Variants in RMST observed in about 807,000 individuals in gnomAD.
The protein encoded by RMST is rhabdomyosarcoma 2 associated transcript, also known as long intergenic non-protein coding RNA 54.
At chr12:97,464,431 T>C (rs1397881836) in intron 4 of RMST, among the ~76,000 whole-genome samples, 2 of 152,200 alleles carry the variant, frequency 1.3e-5, no homozygotes, top group African/African-American at 4.8e-5. Context: ...GAGCTTCCTG[T>C]GATATATTGT....
At position 97,551,171 on chromosome 12, in the gene RMST, TAAA is replaced by T. The variant is rs371319102; in HGVS notation, n.1546-9349_1546-9347del. Among the ~76,000 whole-genome samples the T allele has an allele frequency of 1.8e-3, 235 of 132,332 alleles. 1 individual carries two copies. Among genetic ancestry groups the T allele is most frequent in the Middle Eastern group, 0.016 (4 of 258 alleles). 86.8% of individuals were successfully genotyped at this position (132,332 alleles called of 152,430 possible). ...AATGGCATTCATGGTTCATTGTTTT[TAAA>T]AAAAAAAAAAAAAAAAGACCAAGTT... On this transcript the variant is annotated intron_variant and non_coding_transcript_variant, in intron 11 of 13. Transcript: ENST00000640149.
chr12:97,532,177 T>C (rs1287263361), intron 11 of RMST, among the ~76,000 whole-genome samples: 1 of 151,998 alleles, frequency 6.6e-6, no homozygotes, highest in African/African-American at 2.4e-5. Context: ...TATTTTATTA[T>C]ATTCTGGACA....
intron 5 of RMST, among the ~76,000 whole-genome samples, chr12:97,488,752 C>A (rs755341050): frequency 4.6e-5 from 7 of 152,130 alleles, no homozygotes; most frequent in Non-Finnish European, 8.8e-5. Context: ...GGTTTCAATC[C>A]GTTCCGTTTT....
At chr12:97,497,515 A>G (rs987251541) in intron 10 of RMST, among the ~76,000 whole-genome samples, 1 of 152,190 alleles carries the variant, frequency 6.6e-6, no homozygotes, top group South Asian at 2.1e-4. Flanking sequence ...AATAATTCAG[A>G]CACTGACCAG....
chr12:97,538,962 T>A (rs1390033738), intron 11 of RMST, among the ~76,000 whole-genome samples: 2 of 151,452 alleles, frequency 1.3e-5, no homozygotes, highest in Non-Finnish European at 3.0e-5. Context: ...CCGGAGGGGC[T>A]GGGAATGGCT....
chr12:97,561,233 A>G (rs1884078348), intron 13 of RMST, among the ~76,000 whole-genome samples: 2 of 152,296 alleles, frequency 1.3e-5, no homozygotes, highest in East Asian at 1.9e-4. Context: ...ACGTTTGTAA[A>G]TATGCAAAAA....
intron 5 of RMST, among the ~76,000 whole-genome samples, chr12:97,488,758 G>A (rs1341422217): frequency 1.3e-5 from 2 of 152,116 alleles, no homozygotes; most frequent in African/African-American, 4.8e-5. Context: ...AATCCGTTCC[G>A]TTTTCTTTGT....
At chr12:97,522,825 A>G (rs1168558634) in intron 10 of RMST, among the ~76,000 whole-genome samples, 1 of 152,206 alleles carries the variant, frequency 6.6e-6, no homozygotes, top group Non-Finnish European at 1.5e-5. Context: ...AAAGCCTGAA[A>G]AAACAAAACA....
intron 10 of RMST, among the ~76,000 whole-genome samples, chr12:97,513,753 T>A (rs1377667526): frequency 6.6e-6 from 1 of 152,216 alleles, no homozygotes; most frequent in Admixed American, 6.5e-5. Context: ...TATGGATCAA[T>A]TGGAGTGTCT....
intron 10 of RMST, among the ~76,000 whole-genome samples, chr12:97,524,210 A>G (rs1880863385): frequency 6.6e-6 from 1 of 151,966 alleles, no homozygotes; most frequent in Admixed American, 6.6e-5. Flanking sequence ...AACCACCATC[A>G]GCAGCAGCAG....
At chr12:97,472,825 C>G (rs1408737994) in intron 5 of RMST, among the ~76,000 whole-genome samples, 1 of 152,004 alleles carries the variant, frequency 6.6e-6, no homozygotes, top group East Asian at 1.9e-4. Flanking sequence ...GCTTTGACCC[C>G]AATAATCACA....
intron 11 of RMST, among the ~76,000 whole-genome samples, chr12:97,537,316 A>T (rs1882149654): frequency 6.6e-6 from 1 of 151,350 alleles, no homozygotes; most frequent in Admixed American, 6.6e-5. Context: ...CAACTTTACT[A>T]TGTGGAAACA....
intron 10 of RMST, among the ~76,000 whole-genome samples, chr12:97,505,193 C>A (rs140395725): frequency 2.6e-5 from 4 of 152,192 alleles, no homozygotes; most frequent in African/African-American, 9.7e-5. Flanking sequence ...TCTTAAGGCA[C>A]TTGCAAGAGC....
chr12:97,474,759 A>T (rs2136399661), intron 5 of RMST, among the ~76,000 whole-genome samples: 2 of 152,202 alleles, frequency 1.3e-5, no homozygotes, highest in Middle Eastern at 6.8e-3. Context: ...ATTGAATTAC[A>T]GATTCAGCTA....
At chr12:97,524,211 G>T (rs987192728) in intron 10 of RMST, among the ~76,000 whole-genome samples, 3 of 151,440 alleles carry the variant, frequency 2.0e-5, no homozygotes, top group South Asian at 4.2e-4. Context: ...ACCACCATCA[G>T]CAGCAGCAGC....
intron 9 of RMST, among the ~76,000 whole-genome samples, chr12:97,495,180 G>GGT (rs1555230762): frequency 6.6e-6 from 1 of 150,780 alleles, no homozygotes; most frequent in African/African-American, 2.4e-5. Flanking sequence ...TTCTTATGGG[G>GGT]GGGGAGCCGC....
At chr12:97,506,067 G>T (rs1878630825) in intron 10 of RMST, among the ~76,000 whole-genome samples, 1 of 152,088 alleles carries the variant, frequency 6.6e-6, no homozygotes, top group Admixed American at 6.6e-5. Context: ...TATAACTATT[G>T]TAAGTACATG....
intron 10 of RMST, among the ~76,000 whole-genome samples, chr12:97,501,128 T>C (rs553497378): frequency 1.2e-4 from 18 of 152,222 alleles, no homozygotes; most frequent in African/African-American, 3.9e-4. Context: ...CTGTGGAATA[T>C]GACCTAGCTG....
intron 5 of RMST, among the ~76,000 whole-genome samples, chr12:97,487,610 G>T (rs558657782): frequency 5.9e-5 from 9 of 152,256 alleles, no homozygotes; most frequent in Admixed American, 3.3e-4. Flanking sequence ...AATGTTTGTT[G>T]AAGATACTGG....
Sources: allele counts gnomAD v4.1 joint callset (sites outside exome capture counted in the v4.1 genomes callset), GRCh38; gene constraint gnomAD v4.1.1; transcripts MANE v1.5; gene names NCBI Gene and HGNC (gene_info 2026-07-23, HGNC 2026-07-21).